Variants in SEMA6D observed in about 807,000 individuals in gnomAD.
The protein encoded by SEMA6D is semaphorin-6D.
SEMA6D carries 35 observed loss-of-function variants against 106.6 expected under a neutral mutation model. The ratio of observed to expected loss-of-function variants is 0.33; its 90% CI spans 0.25 to 0.44. The LOEUF (loss-of-function observed/expected upper bound fraction) is 0.44. Among genes scored for constraint, SEMA6D ranks in the 20% least tolerant of loss-of-function variants. The pLI is 1.00. For missense variants in SEMA6D, 1,185 were observed against 1,345.9 expected (o/e 0.88, Z 1.87); for synonymous variants, 499 against 487.7 (o/e 1.02, Z -0.31).
intron 1 of SEMA6D, among the ~76,000 whole-genome samples, chr15:47,337,634 AATAGTTTG>A (rs1368682124): frequency 6.6e-6 from 1 of 152,180 alleles, no homozygotes; most frequent in East Asian, 1.9e-4. Flanking sequence ...TCCTTAGAGT[AATAGTTTG>A]ATAGAGAAGT....
chr15:47,760,403 A>G lies in SEMA6D; in HGVS notation c.209A>G (p.Tyr70Cys). 1 of 1,612,800 alleles carries G rather than the reference A, an allele frequency of 6.2e-7. No individual in the cohort carries two copies. Among genetic ancestry groups the G allele is most frequent in the Admixed American group, 1.7e-5 (1 of 59,954 alleles). The change falls in exon 3 of 19, where the codon TAT (tyrosine) becomes TGT (cysteine). Residue 70 changes from tyrosine (Y) to cysteine (C), a missense_variant. Around this residue, in one of 3 missense-constraint regions of SEMA6D, gnomAD observed 144 missense variants for 138.6 expected, o/e 1.04. Transcript: ENST00000536845. ...QLMLKIRDTL[Y>C]IAGRDQVYTV... is the part of the protein sequence containing the mutation. ...ATGTTGAAAATTCGAGACACACTTT[A>G]TATTGCTGGCAGGTAATTTTCCTCT...
At chr15:47,682,481 T>G (rs188079633) in intron 4 of SEMA6D, among the ~76,000 whole-genome samples, 3 of 152,238 alleles carry the variant, frequency 2.0e-5, no homozygotes, top group Non-Finnish European at 4.4e-5. Context: ...GTGCCACTTT[T>G]GTGTCAGTTA....
chr15:47,660,720 TAGA>T, intron 4 of SEMA6D, among the ~76,000 whole-genome samples: 1 of 152,330 alleles, frequency 6.6e-6, no homozygotes, highest in African/African-American at 2.4e-5. Context: ...TTTTTGATAT[TAGA>T]AGTGATTTTT....
At chr15:47,377,485 C>T (rs4624112) in intron 1 of SEMA6D, among the ~76,000 whole-genome samples, 23,938 of 152,054 alleles carry the variant, frequency 0.16, 2,799 homozygotes, top group African/African-American at 0.32. Flanking sequence ...CCTGGAGACA[C>T]GTATCAGAGC....
At chr15:47,353,174 A>G (rs2038396245) in intron 1 of SEMA6D, among the ~76,000 whole-genome samples, 2 of 152,216 alleles carry the variant, frequency 1.3e-5, no homozygotes, top group East Asian at 1.9e-4. Context: ...GGGCCTCACA[A>G]AAGATCCTGA....
chr15:47,578,886 A>G (rs936799603), intron 3 of SEMA6D, among the ~76,000 whole-genome samples: 2 of 152,254 alleles, frequency 1.3e-5, no homozygotes, highest in East Asian at 1.9e-4. Context: ...AGTACAATCT[A>G]AAAGGAGTAA....
intron 3 of SEMA6D, among the ~76,000 whole-genome samples, chr15:47,502,705 C>G (rs921123346): frequency 7.2e-5 from 11 of 152,160 alleles, no homozygotes; most frequent in Admixed American, 6.6e-4. Flanking sequence ...TCATTTAGAT[C>G]ATAAAAATGT....
intron 1 of SEMA6D, among the ~76,000 whole-genome samples, chr15:47,743,822 T>C (rs1459693230): frequency 6.6e-6 from 1 of 152,186 alleles, no homozygotes; most frequent in Non-Finnish European, 1.5e-5. Flanking sequence ...CCAAATGCTG[T>C]CCTCTGGTCC....
intron 3 of SEMA6D, among the ~76,000 whole-genome samples, chr15:47,537,445 AC>A (rs1384583807): frequency 6.6e-6 from 1 of 152,202 alleles, no homozygotes; most frequent in Non-Finnish European, 1.5e-5. Context: ...CTGAGGTGGC[AC>A]TTAGGTTGAA....
intron 1 of SEMA6D, among the ~76,000 whole-genome samples, chr15:47,737,956 G>T (rs2080545263): frequency 6.6e-6 from 1 of 151,304 alleles, no homozygotes; most frequent in South Asian, 2.1e-4. Context: ...AAAAACAGAA[G>T]CTAATTTCAC....
chr15:47,376,353 A>G (rs938419258), intron 1 of SEMA6D, among the ~76,000 whole-genome samples: 16 of 152,208 alleles, frequency 1.1e-4, no homozygotes, highest in African/African-American at 3.6e-4. Flanking sequence ...TGCTGAGCAC[A>G]GCAAGAAATC....
intron 3 of SEMA6D, among the ~76,000 whole-genome samples, chr15:47,541,405 T>C (rs1377135610): frequency 6.6e-6 from 1 of 152,162 alleles, no homozygotes; most frequent in African/African-American, 2.4e-5. Flanking sequence ...TAAAAAACTT[T>C]CATGCCCAGA....
intron 1 of SEMA6D, chr15:47,730,885 T>C: frequency 2.0e-6 from 2 of 1,023,862 alleles, no homozygotes; most frequent in Non-Finnish European, 3.0e-6. Context: ...TCTTCACGAC[T>C]GCAGGGGCCG....
intron 1 of SEMA6D, among the ~76,000 whole-genome samples, chr15:47,330,073 C>T (rs2037284457): frequency 6.6e-6 from 1 of 152,208 alleles, no homozygotes; most frequent in African/African-American, 2.4e-5. Context: ...TACCTCCTCT[C>T]TCTCCCACCT....
chr15:47,622,889 A>G (rs1230305452), intron 4 of SEMA6D, among the ~76,000 whole-genome samples: 1 of 152,162 alleles, frequency 6.6e-6, no homozygotes, highest in Admixed American at 6.5e-5. Flanking sequence ...AAGTCCTTGG[A>G]AAGTCCCCTC....
At chr15:47,722,295 A>G (rs1310219912) in intron 1 of SEMA6D, among the ~76,000 whole-genome samples, 2 of 152,198 alleles carry the variant, frequency 1.3e-5, no homozygotes, top group African/African-American at 4.8e-5. Context: ...AGGGGAAGAA[A>G]GGAATGAAGT....
intron 2 of SEMA6D, among the ~76,000 whole-genome samples, chr15:47,449,789 C>A (rs1291125181): frequency 6.6e-6 from 1 of 152,066 alleles, no homozygotes; most frequent in African/African-American, 2.4e-5. Flanking sequence ...CAATAGAGCA[C>A]AATCCTTCCA....
At chr15:47,495,176 G>A (rs2043611708) in intron 3 of SEMA6D, among the ~76,000 whole-genome samples, 2 of 151,968 alleles carry the variant, frequency 1.3e-5, no homozygotes, top group South Asian at 4.1e-4. Context: ...TCTTATGGTT[G>A]TGCATGATTA....
rs1054006857 is a variant in SEMA6D at position 47,310,581 on chromosome 15, TG to T, written c.-238-101811del. On this transcript the variant is annotated intron_variant, in intron 1 of 19. Transcript: ENST00000558014. ...TGTCAATATATTCAAATATAGTTCA[TG>T]TTTTTTTTAACTTAAACTTAAGTAC... Among the ~76,000 whole-genome samples the T allele has an allele frequency of 3.1e-3, 349 of 114,298 alleles. 3 individuals carry two copies. The highest frequency in any genetic ancestry group is 8.2e-3 in the African/African-American group (325 of 39,516). 75.0% of individuals were successfully genotyped at this position (114,298 alleles called of 152,430 possible). A position where few individuals can be genotyped will look rare whatever the true frequency, so the allele number is the denominator to read the frequency against.
Sources: allele counts gnomAD v4.1 joint callset (sites outside exome capture counted in the v4.1 genomes callset), GRCh38; gene constraint gnomAD v4.1.1; regional missense constraint gnomAD v4.1.1; transcripts MANE v1.5; gene names NCBI Gene and HGNC (gene_info 2026-07-23, HGNC 2026-07-21).